Variants in TRRAP observed in about 807,000 individuals in gnomAD.
TRRAP encodes transformation/transcription domain associated protein, also known as transformation/transcription domain-associated protein.
In TRRAP, 41 loss-of-function variants were observed where a neutral mutation model predicts 438.8. That is an observed-to-expected ratio of 0.09 (90% CI 0.07 to 0.12). The LOEUF (loss-of-function observed/expected upper bound fraction) is 0.12. Among genes scored for constraint, TRRAP ranks in the 10% least tolerant of loss-of-function variants. TRRAP has a pLI of 1.00. For synonymous variants in TRRAP, 1,994 were observed against 1,962.9 expected (o/e 1.02, Z -0.42); for missense variants, 3,122 against 5,055.1 (o/e 0.62, Z 11.60).
Position 98,895,097 on chromosome 7 carries a change from AGTCT to A in TRRAP, c.451-662_451-659del, listed in dbSNP as rs781992934. 4.6e-5 allele frequency among the ~76,000 whole-genome samples: 7 copies of A among 152,252 alleles called. No individual in the cohort carries two copies. The South Asian group carries it at 6.2e-4, about 14-fold the overall frequency. On this transcript the variant is annotated intron_variant, in intron 6 of 72. Transcript: ENST00000456197. ...TTTAAAAAAATTTTTGTAGAGACAG[AGTCT>A]GTCTATGTTGCCCAGGCTGGTCTCA... is the stretch of plus-strand genomic sequence containing the variant.
intron 11 of TRRAP, among the ~76,000 whole-genome samples, 158 bp downstream of exon 11, chr7:98,900,878 T>C (rs1304073379): frequency 6.6e-6 from 1 of 152,184 alleles, no homozygotes; most frequent in Non-Finnish European, 1.5e-5. Context: ...AAAATTCCAT[T>C]GTTATATATT....
At position 98,971,968 on chromosome 7, in the gene TRRAP, A is replaced by C. The variant is rs756792900; in HGVS notation, c.7839+23A>C. ...AAGGTCTGTACGCAGCTTGGAAAGG[A>C]TTCGTTGCTTTCCTCCCATGGACAG... On this transcript the variant is annotated intron_variant, in intron 53 of 72. Coordinates refer to ENST00000456197, the MANE Select transcript of TRRAP (RefSeq NM_001375524.1). The C allele has an allele frequency of 1.9e-6, 3 of 1,611,404 alleles. No homozygotes were observed. In the South Asian group the frequency reaches 3.3e-5, roughly 18 times the overall value.
intron 62 of TRRAP, among the ~76,000 whole-genome samples, chr7:98,987,348 A>G (rs1330804428): frequency 6.6e-6 from 1 of 152,232 alleles, no homozygotes; most frequent in Non-Finnish European, 1.5e-5. Flanking sequence ...CAGTTTGTGA[A>G]CACGAGATGT....
At chr7:98,900,855 TC>T in intron 11 of TRRAP, 135 bp downstream of exon 11, 1 of 673,440 alleles carries the variant, frequency 1.5e-6, no homozygotes, top group Non-Finnish European at 2.4e-6. Context: ...ACGGTACATT[TC>T]CATCAACCTC....
intron 67 of TRRAP, among the ~76,000 whole-genome samples, chr7:99,000,918 C>T (rs1793891799): frequency 6.6e-6 from 1 of 152,226 alleles, no homozygotes; most frequent in Non-Finnish European, 1.5e-5. Flanking sequence ...TCCAGCTGCC[C>T]TGCAGTGCCC....
intron 58 of TRRAP, among the ~76,000 whole-genome samples, chr7:98,981,006 T>C (rs1323640811): frequency 6.6e-6 from 1 of 150,598 alleles, no homozygotes; most frequent in East Asian, 1.9e-4. Context: ...GCTATGAGCA[T>C]GACCCTGCAG....
At chr7:98,879,623 G>A (rs1467498693) in intron 1 of TRRAP, among the ~76,000 whole-genome samples, 3 of 152,220 alleles carry the variant, frequency 2.0e-5, no homozygotes, top group Non-Finnish European at 4.4e-5. Context: ...AGATGGGGAA[G>A]GGGGTGTCAC....
chr7:98,930,287 A>C lies in TRRAP; in HGVS notation c.3393+81A>C. 3 of 1,522,718 alleles carry C rather than the reference A, an allele frequency of 2.0e-6. No homozygotes were observed. The South Asian group carries it at 3.6e-5, about 18-fold the overall frequency. 94.3% of individuals were successfully genotyped at this position (1,522,718 alleles called of 1,614,324 possible). On this transcript the variant is annotated intron_variant, in intron 24 of 72. Coordinates refer to ENST00000456197, the MANE Select transcript of TRRAP (RefSeq NM_001375524.1). Reference sequence around the variant, plus strand: ...GGTCCTTCTAGAAACTGATAGTTTAAGAATTGCGGCCAGACGCAGTGGCTC... The same window carrying C: ...GGTCCTTCTAGAAACTGATAGTTTACGAATTGCGGCCAGACGCAGTGGCTC...
chr7:98,978,484 G>T (rs147733922), intron 57 of TRRAP, among the ~76,000 whole-genome samples, 161 bp downstream of exon 57: 15 of 152,298 alleles, frequency 9.8e-5, no homozygotes, highest in Admixed American at 2.0e-4. Flanking sequence ...TTAAAGCCTT[G>T]AGTAATTAAA....
At chr7:98,989,186 CAAAG>C (rs1793279859) in intron 63 of TRRAP, among the ~76,000 whole-genome samples, 1 of 152,238 alleles carries the variant, frequency 6.6e-6, no homozygotes, top group Non-Finnish European at 1.5e-5. Flanking sequence ...TTCCAAGTGG[CAAAG>C]CCTCACGTAG....
At position 98,910,221 on chromosome 7, in the gene TRRAP, CCA is replaced by C; in HGVS notation, c.1518_1519del (p.Pro507SerfsTer65). ...PAPSPAPVPA[P>X]PPPPPPPPPA... ...TCCCTCCCCAGCCCCTGTCCCTGCC[CCA>C]CCTCCACCCCCGCCCCCACCCCCAC... is the stretch of plus-strand genomic sequence containing the variant. On this transcript the variant is annotated frameshift_variant, in exon 15 of 73. Coordinates refer to ENST00000456197, the MANE Select transcript of TRRAP (RefSeq NM_001375524.1). LOFTEE classifies it high-confidence loss of function. 6.6e-7 allele frequency: 1 copy of C among 1,507,526 alleles called. No individual in the cohort carries two copies. Among genetic ancestry groups the C allele is most frequent in the Non-Finnish European group, 8.9e-7 (1 of 1,128,346 alleles). The allele number at this position is 1,507,526 out of a possible 1,614,324, so 93.4% of individuals were successfully genotyped here. A position where few individuals can be genotyped will look rare whatever the true frequency, so the allele number is the denominator to read the frequency against.
In TRRAP at chr7:98,950,057, C is replaced by A; in HGVS notation, c.5136-7C>A. ...AGTTAACCTGTCTTCTTCTTTTGACCCTCCAGAAGGAATTACGGAGATATA... is the reference window on the plus strand; with the variant it reads ...AGTTAACCTGTCTTCTTCTTTTGACACTCCAGAAGGAATTACGGAGATATA... On this transcript the variant is annotated splice_polypyrimidine_tract_variant and splice_region_variant and intron_variant, in intron 37 of 72. Coordinates refer to ENST00000456197, the MANE Select transcript of TRRAP (RefSeq NM_001375524.1). The A allele has an allele frequency of 1.2e-6, 2 of 1,613,740 alleles. No individual in the cohort carries two copies. The highest frequency in any genetic ancestry group is 1.7e-6 in the Non-Finnish European group (2 of 1,179,928).
chr7:98,899,881 A>G (rs1796395603), intron 10 of TRRAP, 114 bp downstream of exon 10: 1 of 1,120,114 alleles, frequency 8.9e-7, no homozygotes, highest in Non-Finnish European at 1.3e-6. Context: ...TGGTAAAATT[A>G]TATGCACTGT....
At chr7:98,995,591 A>G (rs944799742) in intron 67 of TRRAP, among the ~76,000 whole-genome samples, 2 of 151,576 alleles carry the variant, frequency 1.3e-5, no homozygotes, top group Admixed American at 6.6e-5. Context: ...AAGGAGTCCA[A>G]TTTCCTTCAG....
intron 26 of TRRAP, 36 bp downstream of exon 26, chr7:98,931,701 A>C (rs782633793): frequency 1.3e-6 from 2 of 1,589,768 alleles, no homozygotes; most frequent in Non-Finnish European, 1.7e-6. Flanking sequence ...GGTAATTTCA[A>C]CAAAACTTTT....
chr7:98,945,678 T>C lies in TRRAP; in HGVS notation c.4474-69T>C, dbSNP rs529088273. The C allele has an allele frequency of 4.5e-6, 7 of 1,568,852 alleles. No homozygotes were observed. In the East Asian group the frequency reaches 6.7e-5, roughly 15 times the overall value. On this transcript the variant is annotated intron_variant, in intron 31 of 72. Coordinates refer to ENST00000456197, the MANE Select transcript of TRRAP (RefSeq NM_001375524.1). The stretch of plus-strand genomic sequence containing the variant: ...TAACCCCAATAACCCTTACTGTGTT[T>C]GAGTATGTGGGAAGTTTTTATGTAA...
chr7:98,989,238 A>G (rs1469684548), intron 63 of TRRAP, among the ~76,000 whole-genome samples: 1 of 152,230 alleles, frequency 6.6e-6, no homozygotes, highest in East Asian at 1.9e-4. Context: ...GCTCACACGA[A>G]ACAGAGGGCT....
At position 98,976,316 on chromosome 7, in the gene TRRAP, T is replaced by C; in HGVS notation, c.7959+48T>C. ...GTTTTGGAAAATTGTAGTTTTAGCT[T>C]TTGGTAAGTATTCATAAAAGAACAC... On this transcript the variant is annotated intron_variant, in intron 54 of 72. Transcript: ENST00000456197. This position sits in a 1 kb window ranked among gnomAD's most constrained non-coding sequence, Gnocchi z 4.6. 1 of 1,608,448 alleles carries C rather than the reference T, an allele frequency of 6.2e-7. No individual in the cohort carries two copies. Among genetic ancestry groups the C allele is most frequent in the Non-Finnish European group, 8.5e-7 (1 of 1,177,416 alleles).
At chr7:99,007,358 T>C (rs1477436010) in intron 69 of TRRAP, among the ~76,000 whole-genome samples, 1 of 152,244 alleles carries the variant, frequency 6.6e-6, no homozygotes, top group Non-Finnish European at 1.5e-5. Context: ...TTTTTATTTT[T>C]AGTTTTTTGA....
Sources: allele counts gnomAD v4.1 joint callset (sites outside exome capture counted in the v4.1 genomes callset), GRCh38; gene constraint gnomAD v4.1.1; non-coding constraint Gnocchi (gnomAD v3.1); transcripts MANE v1.5; gene names NCBI Gene and HGNC (gene_info 2026-07-23, HGNC 2026-07-21).